The following RELN variants were observed in gnomAD, a reference collection of about 807,000 sequenced individuals.
RELN encodes reelin.
RELN carries 108 observed loss-of-function variants against 427.6 expected under a neutral mutation model. That is an observed-to-expected ratio of 0.25 (90% CI 0.22 to 0.30). The LOEUF is 0.30. Ranked by LOEUF, RELN falls within the 10% of genes least tolerant of loss-of-function variation. The pLI is 1.00. For missense variants in RELN, 3,715 were observed against 4,302.8 expected (o/e 0.86, Z 3.82); for synonymous variants, 1,524 against 1,513.4 (o/e 1.01, Z -0.16).
chr7:103,750,998 T>C (rs927056021), intron 5 of RELN, among the ~76,000 whole-genome samples: 8 of 152,202 alleles, frequency 5.3e-5, no homozygotes, highest in South Asian at 2.1e-4. Context: ...CTCACTTTCA[T>C]GGCTGGCTAC....
intron 60 of RELN, among the ~76,000 whole-genome samples, chr7:103,486,636 C>A (rs1452545348): frequency 6.6e-6 from 1 of 151,426 alleles, no homozygotes; most frequent in Admixed American, 6.6e-5. Context: ...ATTTATGTGG[C>A]CAACAAACAT....
rs200778273 is a variant in RELN, at chr7:103,744,838, A to C, written c.656+4588T>G. Among the ~76,000 whole-genome samples, 115 of 152,372 alleles carry C rather than the reference A, an allele frequency of 7.5e-4. No individual in the cohort carries two copies. The South Asian group carries it at 0.012, about 16-fold the overall frequency. On this transcript the variant is annotated intron_variant, in intron 6 of 64. Coordinates refer to ENST00000428762, the MANE Select transcript of RELN (RefSeq NM_005045.4). Reference sequence around the variant, plus strand: ...CACAGCCAAATTCTGCCAGAGGTACAAAGAGGAGCTGGTACCATTCCTTCT... The same window carrying C: ...CACAGCCAAATTCTGCCAGAGGTACCAAGAGGAGCTGGTACCATTCCTTCT...
chr7:103,977,473 A>C (rs989848045), intron 1 of RELN, among the ~76,000 whole-genome samples: 1 of 152,076 alleles, frequency 6.6e-6, no homozygotes, highest in Non-Finnish European at 1.5e-5. Flanking sequence ...AAACTAAAAA[A>C]GTGTTAAGTC....
At chr7:103,617,178 G>A (rs1398781801) in intron 20 of RELN, among the ~76,000 whole-genome samples, 1 of 152,192 alleles carries the variant, frequency 6.6e-6, no homozygotes. Context: ...GTGTGTGTGT[G>A]TGAAGCCTTT....
At position 103,478,400 on chromosome 7, in the gene RELN, G is replaced by A; in HGVS notation, c.10281-6C>T. On this transcript the variant is annotated splice_polypyrimidine_tract_variant and splice_region_variant and intron_variant, in intron 63 of 64. Transcript: ENST00000428762. ...TAAGGAGGACTTACCTTACTCTAGT[G>A]GAAAACCAATGACAGCAAATAATGA... The A allele has an allele frequency of 1.3e-6, 1 of 757,032 alleles. No homozygotes were observed. Among genetic ancestry groups the A allele is most frequent in the Non-Finnish European group, 2.4e-6 (1 of 413,608 alleles). The allele number at this position is 757,032 out of a possible 1,614,324, so 46.9% of individuals were successfully genotyped here.
chr7:103,780,468 G>A (rs1247130557), intron 3 of RELN, among the ~76,000 whole-genome samples: 2 of 152,068 alleles, frequency 1.3e-5, no homozygotes, highest in African/African-American at 4.8e-5. Context: ...TGTGTCACTG[G>A]GGTTTGTTGT....
At chr7:103,760,659 G>C (rs1162604586) in intron 4 of RELN, among the ~76,000 whole-genome samples, 1 of 152,022 alleles carries the variant, frequency 6.6e-6, no homozygotes, top group Non-Finnish European at 1.5e-5. Context: ...AGTCAGACAA[G>C]AATTATATGT....
chr7:103,803,012 C>T (rs1792506861), intron 3 of RELN, among the ~76,000 whole-genome samples: 1 of 152,090 alleles, frequency 6.6e-6, no homozygotes, highest in Non-Finnish European at 1.5e-5. Flanking sequence ...GTAGGATGAA[C>T]ATTCCCAGGC....
intron 1 of RELN, among the ~76,000 whole-genome samples, chr7:103,940,692 C>A (rs541953770): frequency 1.3e-5 from 2 of 152,240 alleles, no homozygotes; most frequent in South Asian, 2.1e-4. Flanking sequence ...AAATCTGAAA[C>A]CTGAAAGGAA....
intron 8 of RELN, among the ~76,000 whole-genome samples, chr7:103,709,751 G>A (rs1160189051): frequency 3.3e-5 from 5 of 152,098 alleles, no homozygotes; most frequent in African/African-American, 9.7e-5. Context: ...ATATGCTGTA[G>A]AATATTCCAA....
At position 103,859,110 on chromosome 7, in the gene RELN, G is replaced by T. The variant is rs374116784; in HGVS notation, c.338-25438C>A. Among the ~76,000 whole-genome samples, 16 of 152,156 alleles carry T rather than the reference G, an allele frequency of 1.1e-4. No individual in the cohort carries two copies. The East Asian group carries it at 1.5e-3, about 15-fold the overall frequency. On this transcript the variant is annotated intron_variant, in intron 2 of 64. Transcript: ENST00000428762. ...AATAAACAGGTCAGGTGACTGGGGA[G>T]AAAGAAGTAGAGAATAATACATACA...
At chr7:103,592,234 C>T (rs943285807) in intron 27 of RELN, among the ~76,000 whole-genome samples, 15 of 152,196 alleles carry the variant, frequency 9.9e-5, no homozygotes, top group African/African-American at 2.6e-4. Context: ...TGTTCCCCTA[C>T]GTGTCCATGT....
rs1016721617 is a variant in RELN at position 103,589,798 on chromosome 7, T to C, written c.3943A>G (p.Ser1315Gly). ...LNIGCANQFS[S>G]TAPVLLQYSH... ...TACTGAAGAAGAACTGGAGCAGTAC[T>C]GCTGAATTGATTGGCACAACCTATG... Residue 1315 changes from serine to glycine, a missense_variant, in exon 28 of 65, where the codon AGT (serine) becomes GGT (glycine). Around this residue, in one of 4 missense-constraint regions of RELN, gnomAD observed 2,208 missense variants for 2,361.7 expected, o/e 0.93. Transcript: ENST00000428762. 1.9e-6 allele frequency: 3 copies of C among 1,611,478 alleles called. No individual in the cohort carries two copies. Among genetic ancestry groups the C allele is most frequent in the Non-Finnish European group, 2.5e-6 (3 of 1,177,558 alleles).
intron 11 of RELN, among the ~76,000 whole-genome samples, chr7:103,677,483 G>A (rs188129152): frequency 9.5e-4 from 138 of 144,508 alleles, no homozygotes; most frequent in African/African-American, 3.4e-3. Context: ...TTCTTAGTGA[G>A]GGCCGGGCAC....
At chr7:103,549,451 A>G (rs1313943276) in intron 41 of RELN, among the ~76,000 whole-genome samples, 4 of 152,180 alleles carry the variant, frequency 2.6e-5, no homozygotes, top group African/African-American at 4.8e-5. Flanking sequence ...CCTTCAGGGG[A>G]ATGAATTGAG....
intron 53 of RELN, among the ~76,000 whole-genome samples, chr7:103,499,853 A>G (rs1472004875): frequency 6.6e-6 from 1 of 152,226 alleles, no homozygotes; most frequent in Non-Finnish European, 1.5e-5. Context: ...GAAAGAAATT[A>G]GATTTTCAAA....
At chr7:103,913,701 T>A (rs1353870131) in intron 2 of RELN, among the ~76,000 whole-genome samples, 1 of 152,194 alleles carries the variant, frequency 6.6e-6, no homozygotes, top group East Asian at 1.9e-4. Context: ...GTGCTTTTTT[T>A]CAAAAGTGGC....
rs752774374 is a variant in RELN at position 103,989,266 on chromosome 7, G to T, written c.91C>A (p.Pro31Thr). 6.2e-7 allele frequency: 1 copy of T among 1,613,758 alleles called. No individual in the cohort carries two copies. The highest frequency in any genetic ancestry group is 8.5e-7 in the Non-Finnish European group (1 of 1,179,946). ...LRARAAAGYY[P>T]RFSPFFFLCT... is the part of the protein sequence containing the mutation. ...AGGAAAAAGAAGGGCGAAAAGCGGG[G>T]GTAATAGCCAGCCGCCGCGCGCGCC... Residue 31 changes from proline (P) to threonine (T), a missense_variant, in exon 1 of 65, where the codon CCC (proline) becomes ACC (threonine). By Grantham distance (38) the Pro-to-Thr change is conservative (BLOSUM62 -1). Transcript: ENST00000428762. The surrounding 1 kb of genome is among the most constrained non-coding windows in gnomAD (Gnocchi z 4.9).
chr7:103,500,111 T>C (rs151016306), intron 53 of RELN, among the ~76,000 whole-genome samples: 36 of 152,358 alleles, frequency 2.4e-4, no homozygotes, highest in African/African-American at 8.7e-4. Flanking sequence ...GTCATTTTTC[T>C]GTTATTGTAA....
Sources: gnomAD v4.1 joint callset for allele counts (sites outside exome capture counted in the v4.1 genomes callset) on GRCh38, gnomAD v4.1.1 for gene constraint, gnomAD v4.1.1 regional missense constraint, Gnocchi (gnomAD v3.1) non-coding constraint, MANE v1.5 for transcripts, NCBI Gene and HGNC (gene_info 2026-07-23, HGNC 2026-07-21) for gene names.